CPVL: variants seen among roughly 807,000 people sequenced by gnomAD.
The protein encoded by CPVL is probable serine carboxypeptidase CPVL.
Under a neutral mutation model 63.7 loss-of-function variants are expected in CPVL, and 51 were observed. That is an observed-to-expected ratio of 0.80 (90% CI 0.64 to 1.01). The LOEUF is 1.01. Among genes scored for constraint, CPVL ranks in the 50% least tolerant of loss-of-function variants. The pLI is 0.00. For missense variants in CPVL, 530 were observed against 573.1 expected (o/e 0.92, Z 0.77); for synonymous variants, 195 against 206.0 (o/e 0.95, Z 0.46).
intron 2 of CPVL, among the ~76,000 whole-genome samples, chr7:29,114,396 T>C (rs1788558028): frequency 6.6e-6 from 1 of 151,768 alleles, no homozygotes; most frequent in Non-Finnish European, 1.5e-5. Context: ...GGCTGCAGAG[T>C]TTGTTCCTTC....
At position 29,158,298 on chromosome 7, in the gene CPVL, A is replaced by C. The variant is rs150811390; in HGVS notation, c.-11+22992T>G. 4.8e-3 allele frequency among the ~76,000 whole-genome samples: 736 copies of C among 152,346 alleles called. 5 individuals carry two copies. The highest frequency in any genetic ancestry group is 6.8e-3 in the Middle Eastern group (2 of 294). On this transcript the variant is annotated intron_variant, in intron 5 of 16. Coordinates refer to the CPVL transcript ENST00000409850. ...CACACACATATTTTCTTAGGACCTC[A>C]GTTTCCACCATCCTATAATAGAGCA...
chr7:29,138,546 G>A (rs1488315731), intron 1 of CPVL, among the ~76,000 whole-genome samples: 1 of 152,182 alleles, frequency 6.6e-6, no homozygotes, highest in Non-Finnish European at 1.5e-5. Flanking sequence ...TCCCAGATGT[G>A]ACTTAGATGG....
At chr7:29,072,202 C>T in intron 8 of CPVL, 99 bp downstream of exon 8, 2 of 1,342,542 alleles carry the variant, frequency 1.5e-6, no homozygotes, top group South Asian at 1.4e-5. Context: ...TGGTGTTTCC[C>T]TTATCAAAAG....
chr7:29,085,048 A>G (rs79071705), intron 7 of CPVL, among the ~76,000 whole-genome samples: 8,843 of 152,334 alleles, frequency 0.058, 273 homozygotes, highest in African/African-American at 0.077. Context: ...AATTATGGGT[A>G]TCAGTATGAA....
chr7:29,094,178 T>TA (rs1298695566), intron 5 of CPVL, among the ~76,000 whole-genome samples: 6 of 152,012 alleles, frequency 3.9e-5, no homozygotes, highest in Admixed American at 1.3e-4. Context: ...CCATCTCTAC[T>TA]AAAAATACAA....
chr7:29,067,238 G>T (rs748777166), intron 9 of CPVL, among the ~76,000 whole-genome samples: 3 of 152,156 alleles, frequency 2.0e-5, no homozygotes, highest in Non-Finnish European at 2.9e-5. Flanking sequence ...CCAAGGACCA[G>T]GTCCCAAAAG....
At chr7:29,111,644 G>A (rs1362781898) in intron 3 of CPVL, among the ~76,000 whole-genome samples, 2 of 152,182 alleles carry the variant, frequency 1.3e-5, no homozygotes, top group African/African-American at 2.4e-5. Flanking sequence ...GCCCCAACCT[G>A]ACCACATCCC....
At chr7:29,055,924 G>A (rs1436425930) in intron 11 of CPVL, among the ~76,000 whole-genome samples, 1 of 152,128 alleles carries the variant, frequency 6.6e-6, no homozygotes, top group Non-Finnish European at 1.5e-5. Context: ...TTACCAGTCT[G>A]CTGGATGTAG....
At chr7:29,184,246 A>C (rs1438427197) in intron 4 of CPVL, among the ~76,000 whole-genome samples, 1 of 150,820 alleles carries the variant, frequency 6.6e-6, no homozygotes, top group East Asian at 1.9e-4. Context: ...ATACATATAC[A>C]ATCTATATAT....
intron 7 of CPVL, among the ~76,000 whole-genome samples, chr7:29,079,069 C>G (rs1417952042): frequency 6.6e-6 from 1 of 152,182 alleles, no homozygotes; most frequent in Admixed American, 6.5e-5. Context: ...GAAACTTCCA[C>G]TTACTCTATA....
At chr7:29,020,430 A>G (rs1438177384) in intron 12 of CPVL, among the ~76,000 whole-genome samples, 1 of 151,468 alleles carries the variant, frequency 6.6e-6, no homozygotes. Context: ...AATCCTGACT[A>G]TTACTATTTA....
intron 10 of CPVL, 99 bp downstream of exon 10, chr7:29,065,924 C>A: frequency 1.5e-6 from 1 of 653,610 alleles, no homozygotes; most frequent in South Asian, 2.1e-5. Flanking sequence ...ACATGTTGGT[C>A]TAGTATAAAG....
At chr7:29,184,097 C>T (rs1164345164) in intron 4 of CPVL, among the ~76,000 whole-genome samples, 2 of 151,144 alleles carry the variant, frequency 1.3e-5, no homozygotes, top group Non-Finnish European at 2.9e-5. Flanking sequence ...GGTTCTGGAT[C>T]CAATCTCCCA....
At chr7:29,090,438 A>G (rs1173876673) in intron 6 of CPVL, among the ~76,000 whole-genome samples, 1 of 152,236 alleles carries the variant, frequency 6.6e-6, no homozygotes, top group Admixed American at 6.5e-5. Flanking sequence ...TTTGTTTAGC[A>G]ACACTACATA....
At chr7:29,139,859 T>C (rs1158986084) in intron 1 of CPVL, among the ~76,000 whole-genome samples, 1 of 152,172 alleles carries the variant, frequency 6.6e-6, no homozygotes, top group African/African-American at 2.4e-5. Context: ...ACAAATTATT[T>C]CCACTTGACT....
chr7:29,055,981 A>G (rs984075925), intron 11 of CPVL, among the ~76,000 whole-genome samples: 1 of 152,118 alleles, frequency 6.6e-6, no homozygotes, highest in Non-Finnish European at 1.5e-5. Context: ...TATCCCCTTT[A>G]CTAGGAAGAC....
intron 8 of CPVL, 63 bp from the exon 9 acceptor site, chr7:29,071,967 C>T (rs1185143197): frequency 1.3e-6 from 2 of 1,586,170 alleles, no homozygotes; most frequent in Non-Finnish European, 1.7e-6. Flanking sequence ...TAAGGAAGCC[C>T]ATTTGCTTGG....
chr7:29,174,405 C>T (rs1797000311), intron 5 of CPVL, among the ~76,000 whole-genome samples: 1 of 152,148 alleles, frequency 6.6e-6, no homozygotes, highest in South Asian at 2.1e-4. Flanking sequence ...GGAGGCTACA[C>T]CAGTACATAG....
intron 12 of CPVL, among the ~76,000 whole-genome samples, chr7:28,998,028 C>T (rs767502079): frequency 1.9e-4 from 29 of 152,252 alleles, no homozygotes; most frequent in African/African-American, 6.3e-4. Context: ...CAACTGGAAA[C>T]CCAGCATGCC....
Sources: allele counts gnomAD v4.1 joint callset (sites outside exome capture counted in the v4.1 genomes callset), GRCh38; gene constraint gnomAD v4.1.1; transcripts MANE v1.5; gene names NCBI Gene and HGNC (gene_info 2026-07-23, HGNC 2026-07-21).